The following ZNF407 variants were observed in gnomAD, a reference collection of about 807,000 sequenced individuals.
ZNF407 encodes zinc finger protein 407.
In ZNF407, 17 loss-of-function variants were observed where a neutral mutation model predicts 131.2. The ratio of observed to expected loss-of-function variants is 0.13; its 90% CI spans 0.09 to 0.19. The LOEUF (loss-of-function observed/expected upper bound fraction) is 0.19. ZNF407 is among the 10% of genes least tolerant of loss of function. The probability of loss-of-function intolerance (pLI) is 1.00; values close to 1 mark genes in which losing one functional copy is unlikely to be tolerated. For synonymous variants in ZNF407, 1,156 were observed against 1,062.0 expected (o/e 1.09, Z -1.72); for missense variants, 2,681 against 2,830.6 (o/e 0.95, Z 1.20).
chr18:74,864,907 A>G (rs952105126), intron 4 of ZNF407, among the ~76,000 whole-genome samples: 1 of 152,212 alleles, frequency 6.6e-6, no homozygotes, highest in Admixed American at 6.5e-5. Context: ...TTGAGCACCT[A>G]GAACCATGTC....
At chr18:74,909,654 C>T (rs1424970520) in intron 7 of ZNF407, among the ~76,000 whole-genome samples, 1 of 152,114 alleles carries the variant, frequency 6.6e-6, no homozygotes, top group East Asian at 1.9e-4. Context: ...CACGGATCTC[C>T]TCACACTTGT....
intron 1 of ZNF407, among the ~76,000 whole-genome samples, chr18:74,623,615 A>C (rs771444904): frequency 2.6e-5 from 4 of 152,260 alleles, no homozygotes; most frequent in Non-Finnish European, 4.4e-5. Flanking sequence ...GCAGAAAGAA[A>C]CGTCCTGTGA....
chr18:74,707,567 G>C (rs550337705), intron 3 of ZNF407, among the ~76,000 whole-genome samples: 7 of 152,240 alleles, frequency 4.6e-5, no homozygotes, highest in African/African-American at 1.7e-4. Context: ...TTCGGATTTC[G>C]TAGCATTTTG....
intron 8 of ZNF407, among the ~76,000 whole-genome samples, chr18:75,036,263 T>C (rs1973307038): frequency 6.6e-6 from 1 of 152,176 alleles, no homozygotes; most frequent in African/African-American, 2.4e-5. Flanking sequence ...TATAATTCTT[T>C]GATTTCATTT....
At chr18:74,780,722 G>T (rs1007630535) in intron 3 of ZNF407, among the ~76,000 whole-genome samples, 4 of 151,924 alleles carry the variant, frequency 2.6e-5, no homozygotes, top group Admixed American at 6.6e-5. Context: ...TTAAATAATC[G>T]CATGACGTAA....
intron 8 of ZNF407, among the ~76,000 whole-genome samples, chr18:75,006,818 T>A (rs573616821): frequency 6.6e-6 from 1 of 152,088 alleles, no homozygotes; most frequent in Non-Finnish European, 1.5e-5. Flanking sequence ...ACTACAAGTG[T>A]GATTTTTTTT....
chr18:74,997,182 T>C (rs1201925464), intron 8 of ZNF407, among the ~76,000 whole-genome samples: 4 of 152,184 alleles, frequency 2.6e-5, no homozygotes, highest in Admixed American at 2.0e-4. Context: ...CAGCTAGCAG[T>C]GGGAGGTAAG....
chr18:74,765,666 C>T (rs1166138788), intron 3 of ZNF407, among the ~76,000 whole-genome samples: 4 of 152,116 alleles, frequency 2.6e-5, no homozygotes, highest in African/African-American at 7.2e-5. Context: ...GATCAATAAT[C>T]GCTGAATCCT....
chr18:74,730,787 T>C (rs549289231), intron 3 of ZNF407, among the ~76,000 whole-genome samples: 6 of 152,334 alleles, frequency 3.9e-5, no homozygotes, highest in African/African-American at 1.2e-4. Context: ...TGATGTATTA[T>C]ATAAAAAGCT....
At chr18:74,637,606 C>A (rs886982553) in intron 2 of ZNF407, among the ~76,000 whole-genome samples, 5 of 151,964 alleles carry the variant, frequency 3.3e-5, no homozygotes, top group African/African-American at 1.2e-4. Flanking sequence ...ACGAGTCTAC[C>A]ATTTCAATTT....
At chr18:75,007,787 T>C (rs1307894696) in intron 8 of ZNF407, among the ~76,000 whole-genome samples, 1 of 152,190 alleles carries the variant, frequency 6.6e-6, no homozygotes, top group Non-Finnish European at 1.5e-5. Context: ...GAGGAAAATA[T>C]GTTCACAGGT....
chr18:74,964,372 TCAGG>T (rs761121265), intron 8 of ZNF407, among the ~76,000 whole-genome samples: 2 of 152,162 alleles, frequency 1.3e-5, no homozygotes, highest in Non-Finnish European at 2.9e-5. Context: ...TTATGCCCTC[TCAGG>T]ATTTGGGGTG....
Position 75,064,452 on chromosome 18 carries a change from A to G in ZNF407, c.6731A>G (p.Glu2244Gly). ...AAIQSQRESS[E>G]LQEA The stretch of plus-strand genomic sequence containing the variant: ...ATTCAGAGCCAAAGAGAAAGCAGCG[A>G]ACTCCAGGAAGCATGAGACGCGCGG... The change falls in exon 9 of 9, where the codon GAA becomes GGA. Residue 2244 changes from glutamate to glycine, a missense_variant. By Grantham distance (98) the Glu-to-Gly change is moderately conservative (BLOSUM62 -2). Around this residue, in one of 6 missense-constraint regions of ZNF407, gnomAD observed 620 missense variants for 583.1 expected, o/e 1.06. Coordinates refer to ENST00000299687, the MANE Select transcript of ZNF407 (RefSeq NM_017757.3). 6.7e-7 allele frequency: 1 copy of G among 1,493,552 alleles called. No homozygotes were observed. Among genetic ancestry groups the G allele is most frequent in the Non-Finnish European group, 8.9e-7 (1 of 1,119,102 alleles). 92.5% of individuals were successfully genotyped at this position (1,493,552 alleles called of 1,614,324 possible).
chr18:74,749,129 A>G (rs948142766), intron 3 of ZNF407, among the ~76,000 whole-genome samples: 1 of 152,198 alleles, frequency 6.6e-6, no homozygotes, highest in Non-Finnish European at 1.5e-5. Flanking sequence ...TTCAGCCCAC[A>G]AAACTCTCAT....
intron 1 of ZNF407, among the ~76,000 whole-genome samples, chr18:74,619,700 T>G (rs1391175998): frequency 6.6e-6 from 1 of 152,244 alleles, no homozygotes; most frequent in African/African-American, 2.4e-5. Context: ...TGTTTCAGTT[T>G]TAATATTTCA....
intron 3 of ZNF407, among the ~76,000 whole-genome samples, chr18:74,689,664 A>C (rs1488469648): frequency 1.3e-5 from 2 of 152,236 alleles, no homozygotes; most frequent in African/African-American, 4.8e-5. Flanking sequence ...ATTAGATAGA[A>C]TTGAAAGCTT....
rs1973689761 is a variant in ZNF407 at position 75,064,642 on chromosome 18, C to T, written c.*174C>T. 1.7e-6 allele frequency: 1 copy of T among 603,688 alleles called. No homozygotes were observed. Among genetic ancestry groups the T allele is most frequent in the Admixed American group, 3.4e-5 (1 of 29,036 alleles). 37.4% of individuals were successfully genotyped at this position (603,688 alleles called of 1,614,324 possible). ...ACACTGGCCACCAGCCAGGCGCCCA[C>T]AGAGGGTACCGTGGGCTGGGCCTCG... On this transcript the variant is annotated 3_prime_UTR_variant, in exon 9 of 9. Coordinates refer to ENST00000299687, the MANE Select transcript of ZNF407 (RefSeq NM_017757.3).
chr18:75,035,209 C>T (rs1973293967), intron 8 of ZNF407, among the ~76,000 whole-genome samples: 1 of 152,180 alleles, frequency 6.6e-6, no homozygotes, highest in Admixed American at 6.5e-5. Context: ...ACAGATTTGG[C>T]AGAAACACAG....
Position 74,731,811 on chromosome 18 carries a change from C to T in ZNF407, c.4803-49617C>T, listed in dbSNP as rs567385464. 2.0e-5 allele frequency among the ~76,000 whole-genome samples: 3 copies of T among 152,258 alleles called. No homozygotes were observed. The South Asian group carries it at 6.2e-4, about 32-fold the overall frequency. On this transcript the variant is annotated intron_variant, in intron 3 of 8. Transcript: ENST00000299687. ...TGAGTGATTTAAACAGTGTCCATTC[C>T]TTGTCTCCATAATTTAGCAGGCCTG...
Sources: gnomAD v4.1 joint callset for allele counts (sites outside exome capture counted in the v4.1 genomes callset) on GRCh38, gnomAD v4.1.1 for gene constraint, gnomAD v4.1.1 regional missense constraint, MANE v1.5 for transcripts, NCBI Gene and HGNC (gene_info 2026-07-23, HGNC 2026-07-21) for gene names.